CENPP: variants seen among roughly 807,000 people sequenced by gnomAD.
The protein encoded by CENPP is centromere protein P.
In CENPP, 24 loss-of-function variants were observed where a neutral mutation model predicts 35.6. The ratio of observed to expected loss-of-function variants is 0.67; its 90% CI spans 0.49 to 0.95. The LOEUF (loss-of-function observed/expected upper bound fraction) is 0.95, where lower values mean the gene tolerates loss of function less well. Ranked by LOEUF, CENPP falls within the 40% of genes least tolerant of loss-of-function variation. The probability of loss-of-function intolerance (pLI) is 0.00; values close to 1 mark genes in which losing one functional copy is unlikely to be tolerated. For synonymous variants in CENPP, 120 were observed against 125.5 expected (o/e 0.96, Z 0.29); for missense variants, 332 against 345.3 (o/e 0.96, Z 0.31).
intron 5 of CENPP, among the ~76,000 whole-genome samples, chr9:92,391,281 C>A (rs1842671368): frequency 6.6e-6 from 1 of 151,612 alleles, no homozygotes; most frequent in South Asian, 2.1e-4. Flanking sequence ...GTGGCGAGCA[C>A]TTGTAGTCCC....
intron 5 of CENPP, among the ~76,000 whole-genome samples, chr9:92,492,168 C>G (rs1394917050): frequency 6.6e-6 from 1 of 152,174 alleles, no homozygotes; most frequent in Non-Finnish European, 1.5e-5. Context: ...TTGCCTGAAG[C>G]ACTATGCCTA....
intron 5 of CENPP, chr9:92,470,890 A>G: frequency 1.4e-6 from 1 of 719,826 alleles, no homozygotes; most frequent in Non-Finnish European, 2.3e-6. Context: ...ATCAAGTTAC[A>G]GATGACTTAA....
In CENPP at chr9:92,516,432, CTATA is replaced by C. The variant is rs370120698; in HGVS notation, c.565-94877_565-94874del. ...ATCATCTGCCTACTTTTATTTAACACTATATATAAACTACTCCCAAAAAGAACTC... is the reference window on the plus strand; with the variant it reads ...ATCATCTGCCTACTTTTATTTAACACTATAAACTACTCCCAAAAAGAACTC... On this transcript the variant is annotated intron_variant, in intron 5 of 7. Transcript: ENST00000375587. Among the ~76,000 whole-genome samples the C allele has an allele frequency of 3.0e-3, 458 of 152,196 alleles. 3 individuals are homozygous for C. The highest frequency in any genetic ancestry group is 0.01 in the African/African-American group (422 of 41,510).
intron 5 of CENPP, among the ~76,000 whole-genome samples, chr9:92,528,527 C>T (rs1848551175): frequency 6.8e-6 from 1 of 148,000 alleles, no homozygotes; most frequent in Non-Finnish European, 1.5e-5. Flanking sequence ...AAAGAACTAA[C>T]CTAAAGGACA....
chr9:92,494,133 C>CAGCA, intron 5 of CENPP: 1 of 1,597,628 alleles, frequency 6.3e-7, no homozygotes, highest in African/African-American at 1.3e-5. Context: ...GTCTCTAGAA[C>CAGCA]AGCATCTGAA....
intron 5 of CENPP, among the ~76,000 whole-genome samples, chr9:92,577,805 T>A (rs1167374042): frequency 6.6e-6 from 1 of 151,794 alleles, no homozygotes; most frequent in African/African-American, 2.4e-5. Flanking sequence ...TTTATTTATT[T>A]ATTATTATTA....
At chr9:92,334,867 G>A (rs893444353) in intron 2 of CENPP, among the ~76,000 whole-genome samples, 17 of 151,064 alleles carry the variant, frequency 1.1e-4, no homozygotes, top group Non-Finnish European at 7.4e-5. Context: ...GTGACAGTGA[G>A]ACCCTGTCTC....
chr9:92,619,846 G>C lies in CENPP; in HGVS notation c.*6697G>C. The C allele has an allele frequency of 2.1e-6, 1 of 476,518 alleles. No homozygotes were observed. The highest frequency in any genetic ancestry group is 2.5e-5 in the South Asian group (1 of 40,028). 29.5% of individuals were successfully genotyped at this position (476,518 alleles called of 1,614,324 possible). A position where few individuals can be genotyped will look rare whatever the true frequency, so the allele number is the denominator to read the frequency against. On this transcript the variant is annotated 3_prime_UTR_variant, in exon 8 of 8. Transcript: ENST00000375587. ...CCCGACTCCAGACCCTGAGACGGAT[G>C]ATCTGTCTTCAGCAAGGTCACCACA...
chr9:92,420,887 G>A (rs1843771739), intron 5 of CENPP, among the ~76,000 whole-genome samples: 1 of 152,120 alleles, frequency 6.6e-6, no homozygotes, highest in Non-Finnish European at 1.5e-5. Context: ...CTTTGAAGGA[G>A]TGTTGAGGTT....
At chr9:92,470,694 T>A (rs143330695) in intron 5 of CENPP, 4 of 1,562,362 alleles carry the variant, frequency 2.6e-6, no homozygotes, top group Non-Finnish European at 3.5e-6. Context: ...TCCTTTAAAA[T>A]CATTTTCTTT....
intron 5 of CENPP, chr9:92,417,368 C>T: frequency 6.2e-7 from 1 of 1,614,088 alleles, no homozygotes; most frequent in Non-Finnish European, 8.5e-7. Context: ...GAAGCATTCA[C>T]TGACACAGCC....
chr9:92,407,855 C>T (rs1843348464), intron 5 of CENPP, among the ~76,000 whole-genome samples: 1 of 152,160 alleles, frequency 6.6e-6, no homozygotes, highest in Non-Finnish European at 1.5e-5. Context: ...TAAAGTGATC[C>T]ACCTTGGCCT....
At chr9:92,387,123 A>C (rs192015848) in intron 5 of CENPP, among the ~76,000 whole-genome samples, 165 of 151,266 alleles carry the variant, frequency 1.1e-3, no homozygotes, top group Non-Finnish European at 1.9e-3. Context: ...CTGTAATCCC[A>C]GTACTTTGAG....
At chr9:92,363,480 A>G (rs1841813898) in intron 4 of CENPP, among the ~76,000 whole-genome samples, 1 of 152,214 alleles carries the variant, frequency 6.6e-6, no homozygotes, top group Non-Finnish European at 1.5e-5. Context: ...AATGCTGTAT[A>G]GGTTTATAGC....
intron 5 of CENPP, chr9:92,417,263 TGAA>T (rs1384375002): frequency 3.1e-6 from 5 of 1,614,104 alleles, no homozygotes; most frequent in Non-Finnish European, 4.2e-6. Context: ...TTCATTGAAC[TGAA>T]GGTAGAGTTG....
chr9:92,448,197 C>T (rs536198113), intron 5 of CENPP, among the ~76,000 whole-genome samples: 103 of 152,164 alleles, frequency 6.8e-4, no homozygotes, highest in African/African-American at 2.4e-3. Context: ...TTAATAGACA[C>T]AAGGCTGGCC....
chr9:92,466,547 G>C (rs1327235460), intron 5 of CENPP: 1 of 1,613,976 alleles, frequency 6.2e-7, no homozygotes, highest in South Asian at 1.1e-5. Flanking sequence ...ATCTTCGTTA[G>C]CTTGTTGTTG....
At chr9:92,372,099 CTTTTTTTTTT>C (rs71362382) in intron 4 of CENPP, among the ~76,000 whole-genome samples, 27 of 30,686 alleles carry the variant, frequency 8.8e-4, no homozygotes, top group African/African-American at 1.9e-3. Context: ...TGCCAGCCAT[CTTTTTTTTTT>C]TTTTTTTTTT....
intron 2 of CENPP, among the ~76,000 whole-genome samples, chr9:92,337,266 C>T (rs1171743835): frequency 6.6e-6 from 1 of 151,610 alleles, no homozygotes; most frequent in African/African-American, 2.4e-5. Context: ...TGCAGCGAGT[C>T]GAGATCGCAC....
Sources: gnomAD v4.1 joint callset for allele counts (sites outside exome capture counted in the v4.1 genomes callset) on GRCh38, gnomAD v4.1.1 for gene constraint, MANE v1.5 for transcripts, NCBI Gene and HGNC (gene_info 2026-07-23, HGNC 2026-07-21) for gene names.